Variants in PLCB4 observed in about 807,000 individuals in gnomAD.
PLCB4 encodes the protein phospholipase C beta 4.
In PLCB4, 77 loss-of-function variants were observed where a neutral mutation model predicts 178.8. That is an observed-to-expected ratio of 0.43 (90% confidence interval 0.36 to 0.52). The LOEUF is 0.52. Ranked by LOEUF, PLCB4 falls within the 20% of genes least tolerant of loss-of-function variation. PLCB4 has a pLI of 0.00. For synonymous variants in PLCB4, 496 were observed against 490.8 expected, an observed-to-expected ratio of 1.01 and a Z score of -0.14; for missense variants, 1,024 against 1,453.4, an observed-to-expected ratio of 0.70 and a Z score of 4.80.
At chr20:9,213,484 G>A (rs2093695898) in intron 2 of PLCB4, among the ~76,000 whole-genome samples, 1 of 152,154 alleles carries the variant, frequency 6.6e-6, no homozygotes, top group Non-Finnish European at 1.5e-5. Context: ...GTAGTCATGT[G>A]TATCTGTGTT....
chr20:9,239,279 A>G (rs1365165933), intron 3 of PLCB4, among the ~76,000 whole-genome samples: 2 of 152,174 alleles, frequency 1.3e-5, no homozygotes, highest in South Asian at 4.1e-4. Context: ...TCAAGTATCC[A>G]AGCATTTTCT....
chr20:9,266,888 C>A (rs554771019), intron 3 of PLCB4, among the ~76,000 whole-genome samples: 1 of 152,038 alleles, frequency 6.6e-6, no homozygotes, highest in South Asian at 2.1e-4. Context: ...CATTAAACTG[C>A]AAAATGTATG....
chr20:9,124,995 C>T (rs1262584978), intron 2 of PLCB4, among the ~76,000 whole-genome samples: 1 of 151,988 alleles, frequency 6.6e-6, no homozygotes, highest in African/African-American at 2.4e-5. Context: ...CATTTTAAAC[C>T]TTTTCAAATA....
chr20:9,232,611 A>G (rs896723733), intron 3 of PLCB4, among the ~76,000 whole-genome samples: 4 of 152,086 alleles, frequency 2.6e-5, no homozygotes, highest in Admixed American at 2.0e-4. Flanking sequence ...TATTTAGTTG[A>G]ATTATGGTAG....
chr20:9,334,985 A>G (rs2032246434), intron 4 of PLCB4, among the ~76,000 whole-genome samples: 1 of 152,126 alleles, frequency 6.6e-6, no homozygotes. Context: ...ACCCATTCTT[A>G]TTTATTATTT....
chr20:9,200,411 C>T (rs970950536), intron 2 of PLCB4, among the ~76,000 whole-genome samples: 2 of 152,216 alleles, frequency 1.3e-5, no homozygotes, highest in Non-Finnish European at 1.5e-5. Flanking sequence ...CATTCAGACT[C>T]TTGCAGTAGC....
chr20:9,293,340 AAG>A (rs2147778434), intron 3 of PLCB4, among the ~76,000 whole-genome samples: 1 of 146,624 alleles, frequency 6.8e-6, no homozygotes, highest in East Asian at 2.0e-4. Flanking sequence ...GACTGTCAGA[AAG>A]AGAGGAAGAG....
At chr20:9,448,620 C>CTTT (rs11379188) in intron 32 of PLCB4, among the ~76,000 whole-genome samples, 1 of 144,550 alleles carries the variant, frequency 6.9e-6, no homozygotes, top group Non-Finnish European at 1.5e-5. Context: ...TATGCACAGA[C>CTTT]TTTTTTTTTT....
At chr20:9,245,179 TC>T (rs1244867990) in intron 3 of PLCB4, among the ~76,000 whole-genome samples, 3 of 152,180 alleles carry the variant, frequency 2.0e-5, no homozygotes, top group African/African-American at 7.2e-5. Context: ...AGGCAAAGTC[TC>T]TTGAGAGCTA....
chr20:9,384,107 CTT>C, intron 13 of PLCB4, 92 bp from the exon 14 acceptor site: 1 of 935,720 alleles, frequency 1.1e-6, no homozygotes, highest in Non-Finnish European at 1.7e-6. Flanking sequence ...CGTTTTTACT[CTT>C]ATAATTTAAG....
intron 3 of PLCB4, among the ~76,000 whole-genome samples, chr20:9,307,375 A>G (rs2094780545): frequency 1.3e-5 from 2 of 152,114 alleles, no homozygotes; most frequent in Admixed American, 6.6e-5. Context: ...CCTCCTGCCC[A>G]TATGTTCACC....
chr20:9,331,935 C>T (rs2031725867), intron 4 of PLCB4, among the ~76,000 whole-genome samples: 1 of 152,172 alleles, frequency 6.6e-6, no homozygotes. Flanking sequence ...CTGGCCTCTG[C>T]TTAAGTAGTT....
intron 3 of PLCB4, among the ~76,000 whole-genome samples, chr20:9,234,050 T>C (rs2093965001): frequency 6.6e-6 from 1 of 151,820 alleles, no homozygotes; most frequent in African/African-American, 2.4e-5. Flanking sequence ...GTAGAGAAAA[T>C]AAGCAAGTTT....
intron 3 of PLCB4, among the ~76,000 whole-genome samples, chr20:9,290,974 A>C (rs969428256): frequency 6.6e-6 from 1 of 152,126 alleles, no homozygotes; most frequent in African/African-American, 2.4e-5. Context: ...GGCTTCCTCA[A>C]GGTCACACAC....
chr20:9,395,129 G>T (rs1016838988), intron 18 of PLCB4, among the ~76,000 whole-genome samples: 9 of 152,126 alleles, frequency 5.9e-5, no homozygotes, highest in African/African-American at 2.2e-4. Context: ...TTGCCAACCT[G>T]CCTATTTTCT....
intron 4 of PLCB4, among the ~76,000 whole-genome samples, chr20:9,321,137 T>G (rs990144221): frequency 6.6e-6 from 1 of 152,208 alleles, no homozygotes; most frequent in Non-Finnish European, 1.5e-5. Flanking sequence ...CTTGACACAG[T>G]GCAAAGTACT....
intron 2 of PLCB4, among the ~76,000 whole-genome samples, chr20:9,137,268 G>A (rs1224090572): frequency 2.0e-5 from 3 of 152,038 alleles, no homozygotes; most frequent in African/African-American, 7.2e-5. Context: ...GACCCTGACC[G>A]AGGTAACATC....
chr20:9,405,034 A>G (rs2148484580), intron 20 of PLCB4, among the ~76,000 whole-genome samples: 1 of 152,342 alleles, frequency 6.6e-6, no homozygotes, highest in East Asian at 1.9e-4. Flanking sequence ...GCTTTTCCTA[A>G]GCCCCATGAC....
intron 2 of PLCB4, among the ~76,000 whole-genome samples, chr20:9,177,121 G>A (rs1028398456): frequency 1.3e-5 from 2 of 152,084 alleles, no homozygotes; most frequent in African/African-American, 4.8e-5. Context: ...TGGCCCCATG[G>A]AGACAGAAAA....
Sources: allele counts gnomAD v4.1 joint callset (sites outside exome capture counted in the v4.1 genomes callset), GRCh38; gene constraint gnomAD v4.1.1; transcripts MANE v1.5; gene names NCBI Gene and HGNC (gene_info 2026-07-23, HGNC 2026-07-21).